The following ADARB2 variants were observed in gnomAD, a reference collection of about 807,000 sequenced individuals.
ADARB2 encodes the protein adenosine deaminase RNA specific B2 (inactive).
ADARB2 carries 25 observed loss-of-function variants against 62.2 expected under a neutral mutation model. The observed-to-expected ratio is 0.40, with a 90% CI of 0.29 to 0.56. The LOEUF is 0.56. ADARB2 is among the 20% of genes least tolerant of loss of function. ADARB2 has a pLI of 0.43. For synonymous variants in ADARB2, 572 were observed against 500.8 expected, an observed-to-expected ratio of 1.14 and a Z score of -1.90; for missense variants, 1,071 against 1,077.4, an observed-to-expected ratio of 0.99 and a Z score of 0.08.
chr10:1,649,404 G>A (rs1408253825), intron 1 of ADARB2, among the ~76,000 whole-genome samples: 1 of 152,092 alleles, frequency 6.6e-6, no homozygotes, highest in Non-Finnish European at 1.5e-5. Flanking sequence ...ATCATGATCT[G>A]GGCCCCTGTC....
intron 1 of ADARB2, among the ~76,000 whole-genome samples, chr10:1,682,659 T>C (rs886064328): frequency 6.6e-6 from 1 of 152,134 alleles, no homozygotes; most frequent in Non-Finnish European, 1.5e-5. Context: ...TCAAACGCAT[T>C]GTGTCACTCA....
Position 1,405,598 on chromosome 10 carries a change from C to T in ADARB2, c.101-26438G>A, listed in dbSNP as rs1398831896. Among the ~76,000 whole-genome samples, 10 of 139,752 alleles carry T rather than the reference C, an allele frequency of 7.2e-5. No homozygotes were observed. The Admixed American group carries it at 7.6e-4, about 11-fold the overall frequency. The allele number at this position is 139,752 out of a possible 152,430, so 91.7% of individuals were successfully genotyped here. ...AGTGAGCAGAGATCGCACCACTGCA[C>T]TCCAGCCTGGAAGAGTGTGAGATTC... On this transcript the variant is annotated intron_variant, in intron 1 of 9. Coordinates refer to ENST00000381312, the MANE Select transcript of ADARB2 (RefSeq NM_018702.4).
At chr10:1,191,149 CAG>C (rs1433636825) in intron 8 of ADARB2, among the ~76,000 whole-genome samples, 1 of 152,142 alleles carries the variant, frequency 6.6e-6, no homozygotes, top group Non-Finnish European at 1.5e-5. Flanking sequence ...CGGCGTAGAA[CAG>C]GGGTTTGCAG....
rs545388603 is a variant in ADARB2, at chr10:1,525,149, T to TA, written c.101-145990dup. Among the ~76,000 whole-genome samples the TA allele has an allele frequency of 3.5e-3, 533 of 152,146 alleles. 3 individuals are homozygous for TA. Among genetic ancestry groups the TA allele is most frequent in the Non-Finnish European group, 5.0e-3 (338 of 67,994 alleles). On this transcript the variant is annotated intron_variant, in intron 1 of 9. Coordinates refer to ENST00000381312, the MANE Select transcript of ADARB2 (RefSeq NM_018702.4). Reference sequence around the variant, plus strand: ...AAAACACTTTTTGTACTAATAGCTGTAAAAAAAGGTCAGGTACCTGACTTA... The same window carrying TA: ...AAAACACTTTTTGTACTAATAGCTGTAAAAAAAAGGTCAGGTACCTGACTTA...
chr10:1,584,369 C>T (rs531723731), intron 1 of ADARB2, among the ~76,000 whole-genome samples: 6 of 152,210 alleles, frequency 3.9e-5, no homozygotes, highest in Non-Finnish European at 4.4e-5. Flanking sequence ...CACTAGAGAA[C>T]GCAGATAAAA....
chr10:1,505,531 C>G (rs892656330), intron 1 of ADARB2, among the ~76,000 whole-genome samples: 3 of 152,232 alleles, frequency 2.0e-5, no homozygotes, highest in Admixed American at 2.0e-4. Context: ...TCGGAAAACA[C>G]TCGTTCTGCC....
intron 1 of ADARB2, among the ~76,000 whole-genome samples, chr10:1,628,239 C>T (rs6560748): frequency 0.54 from 82,649 of 152,024 alleles, 22,695 homozygotes; most frequent in African/African-American, 0.61. Flanking sequence ...TGTCAAGGAG[C>T]GAGGGGGCCT....
chr10:1,264,591 T>A (rs1450543014), intron 4 of ADARB2, among the ~76,000 whole-genome samples: 1 of 152,246 alleles, frequency 6.6e-6, no homozygotes, highest in Non-Finnish European at 1.5e-5. Flanking sequence ...ACGGACACAT[T>A]TCTTTACCTT....
intron 6 of ADARB2, among the ~76,000 whole-genome samples, chr10:1,221,415 A>T (rs1262730918): frequency 7.6e-4 from 113 of 148,524 alleles, no homozygotes; most frequent in African/African-American, 2.5e-3. Context: ...TTTTTTTTTT[A>T]ATTTTATTAT....
chr10:1,569,139 A>T (rs1832901258), intron 1 of ADARB2, among the ~76,000 whole-genome samples: 1 of 151,656 alleles, frequency 6.6e-6, no homozygotes, highest in Non-Finnish European at 1.5e-5. Context: ...AAAGAGAGAG[A>T]CAGAGAGTCA....
At chr10:1,573,941 G>A (rs12256771) in intron 1 of ADARB2, among the ~76,000 whole-genome samples, 5,575 of 152,280 alleles carry the variant, frequency 0.037, 345 homozygotes, top group African/African-American at 0.13. Context: ...CCCTCCATCT[G>A]TCATGAACTA....
At chr10:1,596,914 C>T (rs144026599) in intron 1 of ADARB2, among the ~76,000 whole-genome samples, 25 of 152,218 alleles carry the variant, frequency 1.6e-4, no homozygotes, top group African/African-American at 6.0e-4. Context: ...TGCCCAGAGT[C>T]TTCTTGGGCA....
At chr10:1,213,188 T>A (rs1837180813) in intron 7 of ADARB2, among the ~76,000 whole-genome samples, 2 of 146,970 alleles carry the variant, frequency 1.4e-5, no homozygotes, top group Admixed American at 6.7e-5. Flanking sequence ...AGGACAGAGA[T>A]AAAAAGACAA....
rs574797183 is a variant in ADARB2 at position 1,650,924 on chromosome 10, G to T, written c.100+86127C>A. Among the ~76,000 whole-genome samples the T allele has an allele frequency of 2.9e-3, 438 of 152,314 alleles. 3 individuals are homozygous for T. Among genetic ancestry groups the T allele is most frequent in the South Asian group, 5.6e-3 (27 of 4,818 alleles). On this transcript the variant is annotated intron_variant, in intron 1 of 9. Coordinates refer to ENST00000381312, the MANE Select transcript of ADARB2 (RefSeq NM_018702.4). ...GAGCAGCTTTTCCCGGCTCATGTGA[G>T]GGCTGGCCAGCCACACAGCACCAGG...
intron 1 of ADARB2, chr10:1,526,679 T>G (rs1256361480): frequency 3.9e-6 from 1 of 259,366 alleles, no homozygotes; most frequent in Non-Finnish European, 8.4e-6. Flanking sequence ...CTGTACAGCC[T>G]GCAGAGCCAT....
intron 1 of ADARB2, among the ~76,000 whole-genome samples, chr10:1,626,258 C>T (rs377363255): frequency 6.9e-6 from 1 of 145,348 alleles, no homozygotes; most frequent in Non-Finnish European, 1.5e-5. Flanking sequence ...CCCACATCTG[C>T]CCATGCTCTC....
At chr10:1,266,693 G>A (rs910780088) in intron 4 of ADARB2, among the ~76,000 whole-genome samples, 1 of 152,118 alleles carries the variant, frequency 6.6e-6, no homozygotes, top group South Asian at 2.1e-4. Context: ...TGTGTATTCA[G>A]ACGAGAGCCA....
intron 3 of ADARB2, among the ~76,000 whole-genome samples, chr10:1,315,035 A>C (rs1005071564): frequency 6.6e-6 from 1 of 152,184 alleles, no homozygotes; most frequent in Non-Finnish European, 1.5e-5. Flanking sequence ...CGAGGTTCCA[A>C]CATGACGAAG....
At chr10:1,234,990 AC>A (rs1445108648) in intron 5 of ADARB2, among the ~76,000 whole-genome samples, 1 of 151,802 alleles carries the variant, frequency 6.6e-6, no homozygotes, top group Admixed American at 6.6e-5. Flanking sequence ...CAGGTGATCC[AC>A]CCGCCTTGGC....
Sources: allele counts gnomAD v4.1 joint callset (sites outside exome capture counted in the v4.1 genomes callset), GRCh38; gene constraint gnomAD v4.1.1; transcripts MANE v1.5; gene names NCBI Gene and HGNC (gene_info 2026-07-23, HGNC 2026-07-21).